PTGFR: variants seen among roughly 807,000 people sequenced by gnomAD.
The protein encoded by PTGFR is prostaglandin F receptor, also known as prostaglandin F2-alpha receptor.
A neutral mutation model predicts 26.2 loss-of-function variants in PTGFR; 15 were observed. That is an observed-to-expected ratio of 0.57 (90% CI 0.38 to 0.88). The LOEUF (loss-of-function observed/expected upper bound fraction) is 0.88. PTGFR is among the 40% of genes least tolerant of loss of function. The probability of loss-of-function intolerance (pLI) is 0.00; values close to 1 mark genes in which losing one functional copy is unlikely to be tolerated. For missense variants in PTGFR, 369 were observed against 427.2 expected (o/e 0.86, Z 1.20); for synonymous variants, 165 against 151.1 (o/e 1.09, Z -0.68).
intron 2 of PTGFR, among the ~76,000 whole-genome samples, chr1:78,528,403 A>G (rs1650427462): frequency 6.7e-6 from 1 of 149,986 alleles, no homozygotes; most frequent in East Asian, 2.0e-4. Flanking sequence ...AACTAATTTT[A>G]GTGAAATTGA....
rs1418135532 is a variant in PTGFR, at chr1:78,491,121, T to A, written c.-188T>A. On this transcript the variant is annotated 5_prime_UTR_variant, in exon 1 of 3. Transcript: ENST00000370757. ...GACCACAGCCGGCGCCCGATCAGGA[T>A]CTCCGCGCTGGGATCGGTGGAACTT... 1 of 152,238 alleles carries A rather than the reference T, an allele frequency of 6.6e-6. No homozygotes were observed. The highest frequency in any genetic ancestry group is 2.4e-5 in the African/African-American group (1 of 41,434). The allele number at this position is 152,238 out of a possible 1,614,324, so 9.4% of individuals were successfully genotyped here. A position where few individuals can be genotyped will look rare whatever the true frequency, so the allele number is the denominator to read the frequency against.
chr1:78,502,656 A>G (rs1322931), intron 2 of PTGFR, among the ~76,000 whole-genome samples: 18,706 of 152,162 alleles, frequency 0.12, 2,023 homozygotes, highest in African/African-American at 0.3. Flanking sequence ...CGTTAAAATT[A>G]TTAAATGAAT....
chr1:78,519,797 C>A (rs1174601425), intron 2 of PTGFR, among the ~76,000 whole-genome samples: 4 of 151,972 alleles, frequency 2.6e-5, no homozygotes, highest in Admixed American at 6.6e-5. Flanking sequence ...CCAAAGGGCT[C>A]CTGAGTTCAT....
At chr1:78,511,857 T>A (rs566561322) in intron 2 of PTGFR, among the ~76,000 whole-genome samples, 115 of 152,332 alleles carry the variant, frequency 7.5e-4, no homozygotes, top group Non-Finnish European at 1.2e-3. Flanking sequence ...CATAGGCTGT[T>A]AGAAGCAGCC....
intron 2 of PTGFR, chr1:78,532,219 G>A: frequency 2.5e-6 from 1 of 405,760 alleles, no homozygotes; most frequent in South Asian, 1.7e-5. Context: ...AAAGCGATAA[G>A]ACACTCAACG....
intron 2 of PTGFR, among the ~76,000 whole-genome samples, chr1:78,494,475 G>C (rs145978456): frequency 6.6e-6 from 1 of 152,206 alleles, no homozygotes; most frequent in South Asian, 2.1e-4. Flanking sequence ...CAATCCAGGT[G>C]GGGTGGAAGT....
chr1:78,534,959 T>C (rs1348143391), intron 2 of PTGFR, among the ~76,000 whole-genome samples: 2 of 152,218 alleles, frequency 1.3e-5, no homozygotes, highest in African/African-American at 4.8e-5. Context: ...GAATGATTAG[T>C]GCTTCTCCCA....
At chr1:78,512,822 G>A (rs1455257247) in intron 2 of PTGFR, among the ~76,000 whole-genome samples, 1 of 152,186 alleles carries the variant, frequency 6.6e-6, no homozygotes, top group South Asian at 2.1e-4. Flanking sequence ...TGGTAAGTGA[G>A]TTCTGCCTCA....
intron 2 of PTGFR, among the ~76,000 whole-genome samples, chr1:78,495,946 C>T (rs1649537529): frequency 6.6e-6 from 1 of 152,184 alleles, no homozygotes; most frequent in Non-Finnish European, 1.5e-5. Context: ...ATATCTGTGT[C>T]ACCAACGTAT....
At chr1:78,533,299 C>T (rs1244112680) in intron 2 of PTGFR, among the ~76,000 whole-genome samples, 2 of 152,254 alleles carry the variant, frequency 1.3e-5, no homozygotes, top group African/African-American at 2.4e-5. Context: ...ACTCATACAG[C>T]TCAAATGGAA....
At chr1:78,506,778 C>G (rs1044923568) in intron 2 of PTGFR, among the ~76,000 whole-genome samples, 2 of 152,008 alleles carry the variant, frequency 1.3e-5, no homozygotes, top group African/African-American at 4.8e-5. Flanking sequence ...TCCAGCATTT[C>G]TGTATCCTGG....
chr1:78,497,742 C>A (rs1257696189), intron 2 of PTGFR: 12 of 653,988 alleles, frequency 1.8e-5, no homozygotes, highest in Non-Finnish European at 3.0e-5. Context: ...TGTAGGTTAA[C>A]AGCCAAGCAG....
intron 2 of PTGFR, among the ~76,000 whole-genome samples, chr1:78,501,173 G>T (rs1649695904): frequency 6.6e-6 from 1 of 152,048 alleles, no homozygotes; most frequent in Non-Finnish European, 1.5e-5. Context: ...AGGGTTTTGG[G>T]CTTTTCATTA....
At chr1:78,492,260 G>A (rs1042212831) in intron 1 of PTGFR, among the ~76,000 whole-genome samples, 1 of 152,206 alleles carries the variant, frequency 6.6e-6, no homozygotes, top group South Asian at 2.1e-4. Context: ...TGGGGGCAAA[G>A]CCCACCAGAG....
At chr1:78,523,836 G>T (rs1359802868) in intron 2 of PTGFR, among the ~76,000 whole-genome samples, 9 of 151,986 alleles carry the variant, frequency 5.9e-5, no homozygotes, top group African/African-American at 1.9e-4. Flanking sequence ...TTAAAGAAGA[G>T]ACTCAAAGGG....
At chr1:78,505,615 T>C (rs1649810592) in intron 2 of PTGFR, among the ~76,000 whole-genome samples, 1 of 152,196 alleles carries the variant, frequency 6.6e-6, no homozygotes, top group Admixed American at 6.5e-5. Flanking sequence ...ATTCACAATG[T>C]TGTGCAGCTG....
At chr1:78,511,705 A>G (rs1649974433) in intron 2 of PTGFR, among the ~76,000 whole-genome samples, 2 of 151,658 alleles carry the variant, frequency 1.3e-5, no homozygotes, top group South Asian at 4.2e-4. Flanking sequence ...GGTTGCTCCC[A>G]GCCCACATAA....
intron 2 of PTGFR, among the ~76,000 whole-genome samples, chr1:78,534,696 G>GT (rs1650603986): frequency 7.0e-6 from 1 of 142,736 alleles, no homozygotes; most frequent in Admixed American, 6.9e-5. Context: ...TTACATATTT[G>GT]GTTTTTTTTT....
Position 78,526,910 on chromosome 1 carries a change from C to A in PTGFR, c.799-9496C>A, listed in dbSNP as rs192164867. On this transcript the variant is annotated intron_variant, in intron 2 of 2. Transcript: ENST00000370757. The stretch of plus-strand genomic sequence containing the variant: ...CCATAAAATAGAGGGAGGATGCAAT[C>A]TGTTTTATAGAAGGCATATCTTGCA... Among the ~76,000 whole-genome samples, 70 of 152,212 alleles carry A rather than the reference C, an allele frequency of 4.6e-4. 1 individual carries two copies. The highest frequency in any genetic ancestry group is 4.2e-3 in the Admixed American group (64 of 15,262).
Sources: gnomAD v4.1 joint callset for allele counts (sites outside exome capture counted in the v4.1 genomes callset) on GRCh38, gnomAD v4.1.1 for gene constraint, MANE v1.5 for transcripts, NCBI Gene and HGNC (gene_info 2026-07-23, HGNC 2026-07-21) for gene names.